Variants in CEP63 observed in about 807,000 individuals in gnomAD.
The protein encoded by CEP63 is centrosomal protein 63.
Under a neutral mutation model 89.1 loss-of-function variants are expected in CEP63, and 84 were observed. That is an observed-to-expected ratio of 0.94 (90% CI 0.79 to 1.13). The LOEUF is 1.13. CEP63 is among the 50% of genes most tolerant of loss of function. The pLI, the probability that CEP63 is intolerant of heterozygous loss-of-function variation, is 0.00. For synonymous variants in CEP63, 267 were observed against 272.5 expected (o/e 0.98, Z 0.20); for missense variants, 838 against 813.3 (o/e 1.03, Z -0.37).
the CEP63 span, among the ~76,000 whole-genome samples, chr3:134,712,514 T>C: frequency 6.6e-6 from 1 of 152,192 alleles, no homozygotes; most frequent in African/African-American, 2.4e-5. Context: ...TCTTCTTTTT[T>C]CAAAAATAAC....
the CEP63 span, among the ~76,000 whole-genome samples, chr3:134,655,338 G>A: frequency 6.6e-6 from 1 of 152,206 alleles, no homozygotes; most frequent in Non-Finnish European, 1.5e-5. Context: ...ACCTCAGTGA[G>A]CCACAGAATC....
At position 134,571,172 on chromosome 3, in the gene CEP63, T is replaced by G. The variant is rs185605836; in HGVS notation, c.1330-3621T>G. On this transcript the variant is annotated intron_variant, in intron 11 of 11. Coordinates refer to the CEP63 transcript ENST00000354446. ...GAATGGAAAACACAGCAAGTCAAATTCCCCAGAGCCAGGTCAGCCTCTGAA... is the reference window on the plus strand; with the variant it reads ...GAATGGAAAACACAGCAAGTCAAATGCCCCAGAGCCAGGTCAGCCTCTGAA... Among the ~76,000 whole-genome samples, 263 of 152,250 alleles carry G rather than the reference T, an allele frequency of 1.7e-3. 3 individuals carry two copies. Among genetic ancestry groups the G allele is most frequent in the African/African-American group, 5.7e-3 (236 of 41,538 alleles).
the CEP63 span, among the ~76,000 whole-genome samples, chr3:134,715,752 C>T: frequency 2.6e-5 from 4 of 152,026 alleles, no homozygotes; most frequent in African/African-American, 9.7e-5. Context: ...ACAATTGATG[C>T]ACTTCAAATT....
intron 12 of CEP63, among the ~76,000 whole-genome samples, chr3:134,555,806 G>A (rs1443917105): frequency 3.3e-5 from 5 of 151,942 alleles, no homozygotes; most frequent in East Asian, 1.9e-4. Flanking sequence ...AAAAGAGCCC[G>A]CATCGCCAAG....
At chr3:134,734,809 T>C in the CEP63 span, among the ~76,000 whole-genome samples, 1 of 152,282 alleles carries the variant, frequency 6.6e-6, no homozygotes, top group East Asian at 1.9e-4. Flanking sequence ...TTGTGAGCCT[T>C]TGGTCACAAC....
the CEP63 span, among the ~76,000 whole-genome samples, chr3:134,684,860 A>G: frequency 6.6e-6 from 1 of 152,218 alleles, no homozygotes; most frequent in Admixed American, 6.5e-5. Context: ...GGACCCTGAC[A>G]GTTGTCAGAA....
Position 134,531,878 on chromosome 3 carries a change from G to A in CEP63, c.256G>A (p.Glu86Lys). ...GMLHQQVEEH[E>K]KIKQEMTMEY... ...GTTGCATCAGCAGGTAGAAGAACAT[G>A]AAAAAATCAAGCAAGAGATGACCAT... is the stretch of plus-strand genomic sequence containing the variant. The change falls in exon 4 of 15, where the codon GAA becomes AAA. Residue 86 changes from glutamate (E) to lysine (K), a missense_variant. Glu to Lys is a moderately conservative substitution (Grantham distance 56). Coordinates refer to ENST00000675561, the MANE Select transcript of CEP63 (RefSeq NM_001353108.3). 1 of 1,613,570 alleles carries A rather than the reference G, an allele frequency of 6.2e-7. No homozygotes were observed. Among genetic ancestry groups the A allele is most frequent in the Non-Finnish European group, 8.5e-7 (1 of 1,179,694 alleles).
At chr3:134,607,191 C>T in the CEP63 span, 5 of 985,410 alleles carry the variant, frequency 5.1e-6, no homozygotes, top group East Asian at 1.1e-4. Flanking sequence ...CTGTTGTAAG[C>T]ACAGGAAATG....
the CEP63 span, among the ~76,000 whole-genome samples, chr3:134,636,639 G>A: frequency 6.6e-6 from 1 of 152,206 alleles, no homozygotes. Context: ...CCCAAGATCA[G>A]CTGGGTGTGG....
At chr3:134,649,123 G>A in the CEP63 span, among the ~76,000 whole-genome samples, 183 of 151,712 alleles carry the variant, frequency 1.2e-3, no homozygotes, top group Non-Finnish European at 2.4e-3. Context: ...TTGTGAATAA[G>A]TGACACAGAT....
At chr3:134,669,609 C>G in the CEP63 span, among the ~76,000 whole-genome samples, 1 of 152,120 alleles carries the variant, frequency 6.6e-6, no homozygotes, top group African/African-American at 2.4e-5. Context: ...CCAGTGCTAC[C>G]CCATGAGAAC....
intron 10 of CEP63, among the ~76,000 whole-genome samples, chr3:134,582,871 C>G (rs1958394070): frequency 6.6e-6 from 1 of 152,198 alleles, no homozygotes; most frequent in Admixed American, 6.5e-5. Context: ...GATTGCCATT[C>G]TAACTGGTGT....
At chr3:134,649,316 G>A in the CEP63 span, among the ~76,000 whole-genome samples, 1 of 152,188 alleles carries the variant, frequency 6.6e-6, no homozygotes, top group Non-Finnish European at 1.5e-5. Context: ...TCTCAGGGCA[G>A]TCCTGATGCC....
chr3:134,519,686 A>G (rs1488860604), intron 3 of CEP63, among the ~76,000 whole-genome samples: 1 of 152,206 alleles, frequency 6.6e-6, no homozygotes, highest in South Asian at 2.1e-4. Context: ...TGTTAATATA[A>G]AACTGTTAGT....
the CEP63 span, among the ~76,000 whole-genome samples, chr3:134,658,153 C>T: frequency 6.6e-6 from 1 of 152,196 alleles, no homozygotes; most frequent in Non-Finnish European, 1.5e-5. Flanking sequence ...GCCTCAGCCT[C>T]CCAAAGTGCT....
At chr3:134,657,113 T>C in the CEP63 span, among the ~76,000 whole-genome samples, 3 of 152,226 alleles carry the variant, frequency 2.0e-5, no homozygotes, top group African/African-American at 7.2e-5. Context: ...CTTACAGTTC[T>C]ATGTAGTTGG....
At chr3:134,537,453 C>T (rs1281540147) in intron 6 of CEP63, among the ~76,000 whole-genome samples, 185 bp downstream of exon 6, 1 of 152,180 alleles carries the variant, frequency 6.6e-6, no homozygotes, top group Non-Finnish European at 1.5e-5. Flanking sequence ...TGCCCTCACA[C>T]ATGCGTGCAT....
At chr3:134,604,280 G>C in the CEP63 span, 14 of 1,613,880 alleles carry the variant, frequency 8.7e-6, no homozygotes, top group East Asian at 4.5e-5. Flanking sequence ...GTGTACTCCA[G>C]CACTGAGCTG....
At chr3:134,579,056 C>T (rs760783887), downstream of CEP63, among the ~76,000 whole-genome samples, 2 of 152,224 alleles carry the variant, frequency 1.3e-5, no homozygotes, top group Non-Finnish European at 2.9e-5. Context: ...TGCACCTGGC[C>T]CCCACACCAT....
Sources: allele counts gnomAD v4.1 joint callset (sites outside exome capture counted in the v4.1 genomes callset), GRCh38; gene constraint gnomAD v4.1.1; transcripts MANE v1.5; gene names NCBI Gene and HGNC (gene_info 2026-07-23, HGNC 2026-07-21).